The following RAP1GAP2 variants were observed in gnomAD, a reference collection of about 807,000 sequenced individuals.
RAP1GAP2 encodes RAP1 GTPase activating protein 2, also known as rap1 GTPase-activating protein 2.
RAP1GAP2 carries 27 observed loss-of-function variants against 95.0 expected under a neutral mutation model. The ratio of observed to expected loss-of-function variants is 0.28; its 90% CI spans 0.21 to 0.39. The LOEUF (loss-of-function observed/expected upper bound fraction) is 0.39. Among genes scored for constraint, RAP1GAP2 ranks in the 10% least tolerant of loss-of-function variants. The pLI, the probability that RAP1GAP2 is intolerant of heterozygous loss-of-function variation, is 1.00. For synonymous variants in RAP1GAP2, 373 were observed against 380.9 expected (o/e 0.98, Z 0.24); for missense variants, 771 against 970.0 (o/e 0.79, Z 2.72).
intron 14 of RAP1GAP2, among the ~76,000 whole-genome samples, chr17:2,998,726 G>A (rs1173213145): frequency 6.6e-6 from 1 of 151,520 alleles, no homozygotes; most frequent in Non-Finnish European, 1.5e-5. Context: ...CCATTTGCTC[G>A]CTGTGAGTGT....
At chr17:2,872,891 T>C (rs2072906117) in intron 2 of RAP1GAP2, among the ~76,000 whole-genome samples, 1 of 151,924 alleles carries the variant, frequency 6.6e-6, no homozygotes, top group South Asian at 2.1e-4. Context: ...CTCAAACTCT[T>C]GGGCTCAAGC....
chr17:2,980,472 G>A, intron 9 of RAP1GAP2, 107 bp downstream of exon 9: 2 of 1,128,468 alleles, frequency 1.8e-6, no homozygotes, highest in Non-Finnish European at 2.6e-6. Flanking sequence ...CTTAGAGAAG[G>A]GGAGGCCACT....
At chr17:2,757,342 G>A (rs1005309021) in intron 1 of RAP1GAP2, among the ~76,000 whole-genome samples, 1 of 151,970 alleles carries the variant, frequency 6.6e-6, no homozygotes, top group Non-Finnish European at 1.5e-5. Context: ...AGCTAGTCTC[G>A]AACTCCTGGG....
rs1342263610 is a variant in RAP1GAP2, at chr17:2,871,216, A to T, written c.81-34068A>T. On this transcript the variant is annotated intron_variant, in intron 2 of 24. Transcript: ENST00000254695. This position sits in a 1 kb window ranked among gnomAD's most constrained non-coding sequence, Gnocchi z 5.0. ...GGTGATCCACCCACCTCGGCCTCCC[A>T]CAGTGCTGGGATTACAGGCATGAGC... 6.6e-6 allele frequency among the ~76,000 whole-genome samples: 1 copy of T among 152,214 alleles called. No homozygotes were observed. Among genetic ancestry groups the T allele is most frequent in the African/African-American group, 2.4e-5 (1 of 41,450 alleles).
At chr17:2,780,613 C>T (rs28390174) in intron 1 of RAP1GAP2, among the ~76,000 whole-genome samples, 36,048 of 152,150 alleles carry the variant, frequency 0.24, 4,530 homozygotes, top group South Asian at 0.27. Flanking sequence ...TTTGCTCACA[C>T]ATGGCCAGCT....
chr17:2,758,456 AG>A (rs1427051602), intron 1 of RAP1GAP2, among the ~76,000 whole-genome samples: 1 of 152,166 alleles, frequency 6.6e-6, no homozygotes, highest in Non-Finnish European at 1.5e-5. Flanking sequence ...TACAAGTGTG[AG>A]CCACTGCACC....
At chr17:2,848,780 T>C (rs2071697423) in intron 2 of RAP1GAP2, among the ~76,000 whole-genome samples, 2 of 152,080 alleles carry the variant, frequency 1.3e-5, no homozygotes, top group Non-Finnish European at 1.5e-5. Context: ...TTCCAAAGTG[T>C]TGGGATTACA....
chr17:2,869,220 T>C (rs2072743173), intron 2 of RAP1GAP2, among the ~76,000 whole-genome samples: 1 of 152,074 alleles, frequency 6.6e-6, no homozygotes, highest in East Asian at 1.9e-4. Flanking sequence ...ACTCTTATAG[T>C]GTATAGTATG....
chr17:2,838,390 A>G (rs2071235429), intron 2 of RAP1GAP2, among the ~76,000 whole-genome samples: 1 of 152,044 alleles, frequency 6.6e-6, no homozygotes, highest in South Asian at 2.1e-4. Flanking sequence ...AGCTGGCGAC[A>G]TGCTGAACCC....
At chr17:2,860,758 C>T (rs905374653) in intron 2 of RAP1GAP2, among the ~76,000 whole-genome samples, 2 of 151,762 alleles carry the variant, frequency 1.3e-5, no homozygotes, top group African/African-American at 2.4e-5. Context: ...CACGCACTAC[C>T]GTGCCTGGGT....
Position 2,797,873 on chromosome 17 carries a change from C to A in RAP1GAP2, c.44+1302C>A. 1 of 804,016 alleles carries A rather than the reference C, an allele frequency of 1.2e-6. No homozygotes were observed. The highest frequency in any genetic ancestry group is 1.5e-6 in the Non-Finnish European group (1 of 664,800). The allele number at this position is 804,016 out of a possible 1,614,324, so 49.8% of individuals were successfully genotyped here. A position where few individuals can be genotyped will look rare whatever the true frequency, so the allele number is the denominator to read the frequency against. On this transcript the variant is annotated intron_variant, in intron 1 of 24. Transcript: ENST00000254695. The surrounding 1 kb of genome is among the most constrained non-coding windows in gnomAD (Gnocchi z 5.6). ...TGGCTGTGGGCCTTGCAGGGCAGGG[C>A]CCAGCAATTAGATTGTGCCCTCCAA...
chr17:2,966,067 G>A (rs942682455), intron 8 of RAP1GAP2, among the ~76,000 whole-genome samples: 3 of 152,226 alleles, frequency 2.0e-5, no homozygotes, highest in African/African-American at 7.2e-5. Context: ...CTGTGTGTTT[G>A]TTGTATGGGC....
At chr17:2,828,666 G>T (rs567978648) in intron 2 of RAP1GAP2, among the ~76,000 whole-genome samples, 3 of 152,272 alleles carry the variant, frequency 2.0e-5, no homozygotes, top group African/African-American at 7.2e-5. Flanking sequence ...GTGGGGCCGC[G>T]GGTTCTTTGA....
In RAP1GAP2 at chr17:2,927,866, C is replaced by G. The variant is rs115867538; in HGVS notation, c.165+22498C>G. ...GGGACTAATTCTTCACCTGCCTGAT[C>G]TCATTGCTTTGCGAGCCCGTGACTG... On this transcript the variant is annotated intron_variant, in intron 3 of 24. Transcript: ENST00000254695. Among the ~76,000 whole-genome samples, 414 of 152,348 alleles carry G rather than the reference C, an allele frequency of 2.7e-3. 3 individuals are homozygous for G. Among genetic ancestry groups the G allele is most frequent in the African/African-American group, 9.4e-3 (389 of 41,578 alleles).
At chr17:2,796,290 G>C (rs1034739556), upstream of RAP1GAP2, 6 of 548,884 alleles carry the variant, frequency 1.1e-5, no homozygotes, top group African/African-American at 1.1e-4. This position sits in a 1 kb window ranked among gnomAD's most constrained non-coding sequence, Gnocchi z 4.7. Context: ...GTGTGGGGAA[G>C]CTGCCCTCCA....
At chr17:2,993,450 G>A (rs1409087768) in intron 12 of RAP1GAP2, among the ~76,000 whole-genome samples, 3 of 151,910 alleles carry the variant, frequency 2.0e-5, no homozygotes, top group Non-Finnish European at 4.4e-5. Flanking sequence ...GCACGTGCCT[G>A]TAGTCCCAGC....
At chr17:2,888,537 C>A (rs1010403567) in intron 2 of RAP1GAP2, among the ~76,000 whole-genome samples, 1 of 152,092 alleles carries the variant, frequency 6.6e-6, no homozygotes, top group Non-Finnish European at 1.5e-5. Context: ...CTGTGCCTGG[C>A]TTATTTCACT....
At chr17:2,768,032 A>T (rs2068310718) in intron 1 of RAP1GAP2, among the ~76,000 whole-genome samples, 1 of 152,216 alleles carries the variant, frequency 6.6e-6, no homozygotes, top group Admixed American at 6.5e-5. Context: ...GTACGTGGCC[A>T]ATTTATTATA....
At chr17:2,957,466 G>C (rs2044158975) in intron 3 of RAP1GAP2, among the ~76,000 whole-genome samples, 1 of 152,354 alleles carries the variant, frequency 6.6e-6, no homozygotes, top group East Asian at 1.9e-4. Flanking sequence ...GCAGAATTTG[G>C]CTCTTCCCAG....
Sources: allele counts gnomAD v4.1 joint callset (sites outside exome capture counted in the v4.1 genomes callset), GRCh38; gene constraint gnomAD v4.1.1; non-coding constraint Gnocchi (gnomAD v3.1); transcripts MANE v1.5; gene names NCBI Gene and HGNC (gene_info 2026-07-23, HGNC 2026-07-21).